SPNS3: variants seen among roughly 807,000 people sequenced by gnomAD.
SPNS3 encodes protein spinster homolog 3.
A neutral mutation model predicts 54.4 loss-of-function variants in SPNS3; 51 were observed. That is an observed-to-expected ratio of 0.94 (90% CI 0.75 to 1.18). The LOEUF (loss-of-function observed/expected upper bound fraction) is 1.18. Among genes scored for constraint, SPNS3 ranks in the 50% most tolerant of loss-of-function variants. The probability of loss-of-function intolerance (pLI) is 0.00; values close to 1 mark genes in which losing one functional copy is unlikely to be tolerated. For synonymous variants in SPNS3, 309 were observed against 294.7 expected, an observed-to-expected ratio of 1.05 and a Z score of -0.50; for missense variants, 669 against 677.4, an observed-to-expected ratio of 0.99 and a Z score of 0.14.
intron 9 of SPNS3, among the ~76,000 whole-genome samples, chr17:4,485,379 C>A (rs1026646876): frequency 7.2e-5 from 11 of 152,036 alleles, no homozygotes; most frequent in Non-Finnish European, 1.5e-4. Context: ...GTGTGTGACA[C>A]CAGAGTTCTT....
chr17:4,451,203 T>C (rs1207468222), intron 7 of SPNS3, among the ~76,000 whole-genome samples: 1 of 151,456 alleles, frequency 6.6e-6, no homozygotes, highest in Admixed American at 6.6e-5. Context: ...CTCGCACAGC[T>C]TGGAAGCCTG....
In SPNS3 at chr17:4,478,621, T is replaced by A; in HGVS notation, c.1163T>A (p.Val388Asp). Residue 388 changes from valine (V) to aspartate (D), a missense_variant, in exon 9 of 12, where the codon GTT becomes GAT. Val to Asp is a radical substitution (Grantham distance 152). Coordinates refer to ENST00000355530, the MANE Select transcript of SPNS3 (RefSeq NM_182538.5). ...CTTCTGTCCTGCAACTGGGCAGTGG[T>A]TGCCGACATCCTGCTGGTAGGTGTG... ...ELLLSCNWAV[V>D]ADILLSVVVP... 6.3e-7 allele frequency: 1 copy of A among 1,589,958 alleles called. No homozygotes were observed. Among genetic ancestry groups the A allele is most frequent in the South Asian group, 1.1e-5 (1 of 86,962 alleles).
intron 3 of SPNS3, 143 bp from the exon 4 acceptor site, chr17:4,445,905 G>C: frequency 1.1e-6 from 1 of 889,274 alleles, no homozygotes; most frequent in East Asian, 2.7e-5. Context: ...CTGGAGTGGA[G>C]AGGTGTCTGT....
chr17:4,470,343 G>A (rs200632757), intron 8 of SPNS3, among the ~76,000 whole-genome samples: 10 of 152,204 alleles, frequency 6.6e-5, no homozygotes, highest in East Asian at 3.9e-4. Flanking sequence ...GCTGAGAATC[G>A]ATTGAACTCA....
At chr17:4,478,379 G>A (rs1317336719) in intron 8 of SPNS3, among the ~76,000 whole-genome samples, 193 bp from the exon 9 acceptor site, 1 of 152,128 alleles carries the variant, frequency 6.6e-6, no homozygotes, top group Admixed American at 6.6e-5. Flanking sequence ...TATGGGTCCT[G>A]GCTCTGTCTA....
At chr17:4,475,658 G>A (rs1971973455) in intron 8 of SPNS3, among the ~76,000 whole-genome samples, 1 of 152,156 alleles carries the variant, frequency 6.6e-6, no homozygotes, top group African/African-American at 2.4e-5. Flanking sequence ...GAACAGAGAT[G>A]TTTGGGGACA....
chr17:4,468,773 T>C (rs28397121), intron 8 of SPNS3, among the ~76,000 whole-genome samples: 1,279 of 103,268 alleles, frequency 0.012, 12 homozygotes, highest in African/African-American at 0.039. Flanking sequence ...CTCTTTCTTT[T>C]TCTTTCTTTC....
intron 9 of SPNS3, among the ~76,000 whole-genome samples, chr17:4,485,540 G>C (rs1214804967): frequency 2.6e-5 from 4 of 152,074 alleles, no homozygotes; most frequent in African/African-American, 9.7e-5. Context: ...TGGGATTACA[G>C]GCATGTGCCA....
chr17:4,462,754 A>AATCT (rs1555531272), intron 8 of SPNS3, among the ~76,000 whole-genome samples: 1,886 of 20,356 alleles, frequency 0.093, 165 homozygotes, highest in Non-Finnish European at 0.11. Context: ...TCCATCCACC[A>AATCT]ATCCATCCAT....
At chr17:4,450,460 C>T (rs1287375901) in intron 7 of SPNS3, among the ~76,000 whole-genome samples, 1 of 151,370 alleles carries the variant, frequency 6.6e-6, no homozygotes, top group East Asian at 1.9e-4. Context: ...TGTCACCAGG[C>T]TGGAGTGCAG....
At chr17:4,485,499 G>A (rs1972288545) in intron 9 of SPNS3, among the ~76,000 whole-genome samples, 1 of 151,898 alleles carries the variant, frequency 6.6e-6, no homozygotes, top group African/African-American at 2.4e-5. Context: ...CCGTGTTCAA[G>A]CAATTCTCCT....
At chr17:4,453,793 A>G (rs1319325057) in intron 8 of SPNS3, among the ~76,000 whole-genome samples, 1 of 152,182 alleles carries the variant, frequency 6.6e-6, no homozygotes, top group Non-Finnish European at 1.5e-5. Context: ...TGGGCCCAAG[A>G]AGAAATAGAG....
intron 8 of SPNS3, among the ~76,000 whole-genome samples, chr17:4,457,718 G>T (rs1400768622): frequency 6.6e-5 from 10 of 151,738 alleles, no homozygotes; most frequent in Non-Finnish European, 2.9e-5. Context: ...GTGCTCCTTG[G>T]CTGTGTTTTG....
intron 1 of SPNS3, 142 bp from the exon 2 acceptor site, chr17:4,439,516 G>C: frequency 1.5e-6 from 1 of 655,902 alleles, no homozygotes; most frequent in Non-Finnish European, 2.7e-6. Context: ...GTATGGGAGA[G>C]AGGGGGAGAG....
At chr17:4,480,692 G>T (rs1972127087) in intron 9 of SPNS3, among the ~76,000 whole-genome samples, 1 of 152,214 alleles carries the variant, frequency 6.6e-6, no homozygotes, top group Admixed American at 6.5e-5. Flanking sequence ...GTGGAAGGAG[G>T]GTTAGGGGCT....
At chr17:4,439,316 G>T (rs111993865) in intron 1 of SPNS3, among the ~76,000 whole-genome samples, 10 of 152,100 alleles carry the variant, frequency 6.6e-5, no homozygotes, top group Non-Finnish European at 1.5e-4. Context: ...GTAGAGACGG[G>T]GTTTCACCAC....
At chr17:4,435,816 C>T (rs1411346756) in intron 1 of SPNS3, among the ~76,000 whole-genome samples, 1 of 152,184 alleles carries the variant, frequency 6.6e-6, no homozygotes, top group Non-Finnish European at 1.5e-5. Context: ...CCTGTAATCC[C>T]AGCTACTCGG....
chr17:4,458,573 CTTTCTTCCTTCCCTCCTTTCTTT>C (rs1971389639), intron 8 of SPNS3, among the ~76,000 whole-genome samples: 1 of 113,412 alleles, frequency 8.8e-6, no homozygotes. Flanking sequence ...TCCCTCCTTT[CTTTCTTCCTTCCCTCCTTTCTTT>C]CTTTCTTTCT....
chr17:4,440,867 G>A (rs1970831301), intron 2 of SPNS3, among the ~76,000 whole-genome samples: 1 of 152,210 alleles, frequency 6.6e-6, no homozygotes, highest in Admixed American at 6.5e-5. Context: ...CCCGTGTGCA[G>A]TGTCTACTAT....
Sources: allele counts gnomAD v4.1 joint callset (sites outside exome capture counted in the v4.1 genomes callset), GRCh38; gene constraint gnomAD v4.1.1; transcripts MANE v1.5; gene names NCBI Gene and HGNC (gene_info 2026-07-23, HGNC 2026-07-21).